The following KASH5 variants were observed in gnomAD, a reference collection of about 807,000 sequenced individuals.
The protein encoded by KASH5 is protein KASH5.
In KASH5, 72 loss-of-function variants were observed where a neutral mutation model predicts 84.2. The observed-to-expected ratio is 0.85, with a 90% CI of 0.71 to 1.04. The LOEUF (loss-of-function observed/expected upper bound fraction) is 1.04. Ranked by LOEUF, KASH5 falls within the 50% of genes least tolerant of loss-of-function variation. KASH5 has a pLI of 0.00. For synonymous variants in KASH5, 260 were observed against 279.1 expected, an observed-to-expected ratio of 0.93 and a Z score of 0.68; for missense variants, 650 against 701.0, an observed-to-expected ratio of 0.93 and a Z score of 0.82.
chr19:49,413,150 C>G, intron 16 of KASH5, 124 bp downstream of exon 16: 2 of 966,068 alleles, frequency 2.1e-6, no homozygotes, highest in South Asian at 1.5e-5. Context: ...TCATGTCTTC[C>G]GGGAGCAGAA....
chr19:49,391,186 T>G (rs1465876536), intron 2 of KASH5, among the ~76,000 whole-genome samples: 1 of 152,128 alleles, frequency 6.6e-6, no homozygotes, highest in East Asian at 1.9e-4. Flanking sequence ...CTTACTCCAT[T>G]CAGATCGCGG....
chr19:49,400,368 C>CTTTTTTTTTTTTTTT (rs762991520), intron 9 of KASH5, among the ~76,000 whole-genome samples: 2 of 100,954 alleles, frequency 2.0e-5, no homozygotes, highest in Non-Finnish European at 3.9e-5. Context: ...TTTTTTTTTT[C>CTTTTTTTTTTTTTTT]TTTTTTTTTT....
intron 9 of KASH5, among the ~76,000 whole-genome samples, chr19:49,400,794 A>C (rs1021185183): frequency 3.9e-5 from 6 of 152,214 alleles, no homozygotes; most frequent in African/African-American, 1.4e-4. Flanking sequence ...GAAGAGACTG[A>C]GTTCAGCTTC....
Position 49,399,012 on chromosome 19 carries a change from C to A in KASH5, c.630-13C>A, listed in dbSNP as rs1204463288. ...CCCTCTCGTATGGCTCATCTGCCCC[C>A]ACCCGCATTCAGCACCCAGCAGGCC... On this transcript the variant is annotated splice_polypyrimidine_tract_variant and intron_variant, in intron 7 of 19. Transcript: ENST00000447857. The surrounding 1 kb of genome is among the most constrained non-coding windows in gnomAD (Gnocchi z 4.4). 9 of 1,548,124 alleles carry A rather than the reference C, an allele frequency of 5.8e-6. No individual in the cohort carries two copies. Among genetic ancestry groups the A allele is most frequent in the Middle Eastern group, 1.7e-4 (1 of 5,986 alleles).
intron 9 of KASH5, among the ~76,000 whole-genome samples, chr19:49,405,456 CAAAAAAAAAAA>C (rs58604196): frequency 1.1e-5 from 1 of 90,444 alleles, no homozygotes; most frequent in Non-Finnish European, 2.3e-5. Context: ...AAACTCCTCT[CAAAAAAAAAAA>C]AAAAAAAGAA....
At chr19:49,391,193 G>A (rs1011780270) in intron 2 of KASH5, among the ~76,000 whole-genome samples, 17 of 152,134 alleles carry the variant, frequency 1.1e-4, no homozygotes, top group Admixed American at 6.5e-4. Flanking sequence ...CATTCAGATC[G>A]CGGCCCAGAT....
rs1037628654 is a variant in KASH5, at chr19:49,402,209, T to G, written c.798+2702T>G. Among the ~76,000 whole-genome samples the G allele has an allele frequency of 2.7e-5, 4 of 149,376 alleles. No individual in the cohort carries two copies. The Admixed American group carries it at 2.7e-4, about 10-fold the overall frequency. ...GTGAGCCAAGATGGTACCAGTGTAC[T>G]CCAGTCTGGGCGACAGAGCAAGACT... is the stretch of plus-strand genomic sequence containing the variant. On this transcript the variant is annotated intron_variant, in intron 9 of 19. Transcript: ENST00000447857.
In KASH5 at chr19:49,414,454, G is replaced by T. The variant is rs1290845938; in HGVS notation, c.1329-497G>T. On this transcript the variant is annotated intron_variant, in intron 16 of 19. Coordinates refer to ENST00000447857, the MANE Select transcript of KASH5 (RefSeq NM_144688.5). The surrounding 1 kb of genome is among the most constrained non-coding windows in gnomAD (Gnocchi z 4.5). ...GGCTCAACCCACTAGACAGGAAGGG[G>T]GTTTCGACACGTGCTCTGGGGTCTT... Among the ~76,000 whole-genome samples, 3 of 152,074 alleles carry T rather than the reference G, an allele frequency of 2.0e-5. No homozygotes were observed. Among genetic ancestry groups the T allele is most frequent in the African/African-American group, 7.2e-5 (3 of 41,386 alleles).
intron 16 of KASH5, among the ~76,000 whole-genome samples, chr19:49,413,870 G>A (rs1464021325): frequency 6.6e-6 from 1 of 152,108 alleles, no homozygotes; most frequent in African/African-American, 2.4e-5. Context: ...GATAGTGTAT[G>A]TCTGACTGGG....
intron 1 of KASH5, among the ~76,000 whole-genome samples, chr19:49,389,228 G>A (rs1312810429): frequency 9.2e-6 from 1 of 108,178 alleles, no homozygotes; most frequent in East Asian, 2.6e-4. Context: ...TCAGACCCCC[G>A]CAGAAATCAA....
At chr19:49,409,436 T>C (rs1974641007) in intron 14 of KASH5, among the ~76,000 whole-genome samples, 153 bp downstream of exon 14, 1 of 152,096 alleles carries the variant, frequency 6.6e-6, no homozygotes, top group African/African-American at 2.4e-5. Context: ...TCTCTCTACC[T>C]CGGATCCTAA....
At chr19:49,403,888 A>G (rs1246962124) in intron 9 of KASH5, among the ~76,000 whole-genome samples, 2 of 152,202 alleles carry the variant, frequency 1.3e-5, no homozygotes, top group Non-Finnish European at 2.9e-5. Context: ...AGCTGCCTAC[A>G]GAGCATCTAT....
At position 49,417,038 on chromosome 19, in the gene KASH5, A is replaced by T. The variant is rs1974927767; in HGVS notation, c.1398A>T (p.Gly466=). Residue 466 remains glycine, a synonymous_variant, in exon 18 of 20, where the codon GGA becomes GGT. Transcript: ENST00000447857. The surrounding 1 kb of genome is among the most constrained non-coding windows in gnomAD (Gnocchi z 5.2). ...AGGCTGATCTCCCTGTCCCTCTAGG[A>T]GCCCCTCGCCCTGGAGACATCCCAG... ...QVTADLPVPL[G]APRPGDIPEN... is the part of the protein sequence containing the mutation. The T allele has an allele frequency of 5.0e-6, 8 of 1,593,502 alleles. No individual in the cohort carries two copies. Among genetic ancestry groups the T allele is most frequent in the Non-Finnish European group, 6.8e-6 (8 of 1,170,588 alleles).
chr19:49,407,116 G>A lies in KASH5; in HGVS notation c.877-124G>A, dbSNP rs1974550859. 23 of 1,332,944 alleles carry A rather than the reference G, an allele frequency of 1.7e-5. No homozygotes were observed. In the South Asian group the frequency reaches 2.3e-4, roughly 14 times the overall value. The allele number at this position is 1,332,944 out of a possible 1,614,324, so 82.6% of individuals were successfully genotyped here. On this transcript the variant is annotated intron_variant, in intron 10 of 19. Transcript: ENST00000447857. ...CCCAGGCATCCCTAAAATCCCTGAAGTCCTGGAACATCTCAGGAGGCTGAA... is the reference window on the plus strand; with the variant it reads ...CCCAGGCATCCCTAAAATCCCTGAAATCCTGGAACATCTCAGGAGGCTGAA...
Position 49,395,306 on chromosome 19 carries a change from T to G in KASH5, c.335+14T>G. 3 of 1,608,694 alleles carry G rather than the reference T, an allele frequency of 1.9e-6. No individual in the cohort carries two copies. The highest frequency in any genetic ancestry group is 2.5e-6 in the Non-Finnish European group (3 of 1,178,300). ...TCAACTACATGGGTGAGTCCCCACA[T>G]CTTCATCCTCCTCTGGGAAGTCCTT... On this transcript the variant is annotated intron_variant, in intron 4 of 19. Transcript: ENST00000447857. This position sits in a 1 kb window ranked among gnomAD's most constrained non-coding sequence, Gnocchi z 4.4.
rs1052253225 is a variant in KASH5, at chr19:49,399,203, C to T, written c.747+61C>T. 6 of 1,408,776 alleles carry T rather than the reference C, an allele frequency of 4.3e-6. No homozygotes were observed. The highest frequency in any genetic ancestry group is 1.4e-5 in the African/African-American group (1 of 69,246). The allele number at this position is 1,408,776 out of a possible 1,614,324, so 87.3% of individuals were successfully genotyped here. A position where few individuals can be genotyped will look rare whatever the true frequency, so the allele number is the denominator to read the frequency against. On this transcript the variant is annotated intron_variant, in intron 8 of 19. Transcript: ENST00000447857. The surrounding 1 kb of genome is among the most constrained non-coding windows in gnomAD (Gnocchi z 4.4). ...TCTTCTTTGTTTCCTGGAGTCAGGG[C>T]GGCAGAGTGTGACTATGGAGTAGGA...
At position 49,416,979 on chromosome 19, in the gene KASH5, C is replaced by A. The variant is rs1398602638; in HGVS notation, c.1375-36C>A. 2 of 1,557,934 alleles carry A rather than the reference C, an allele frequency of 1.3e-6. No homozygotes were observed. The highest frequency in any genetic ancestry group is 1.2e-5 in the South Asian group (1 of 84,612). ...GACCTGAGCACCTCTCAGTCCAGAA[C>A]CCGGTGCCTCCAACGCATCTCTTCT... is the stretch of plus-strand genomic sequence containing the variant. On this transcript the variant is annotated intron_variant, in intron 17 of 19. Coordinates refer to ENST00000447857, the MANE Select transcript of KASH5 (RefSeq NM_144688.5). This position sits in a 1 kb window ranked among gnomAD's most constrained non-coding sequence, Gnocchi z 5.4.
intron 15 of KASH5, among the ~76,000 whole-genome samples, chr19:49,411,505 A>G (rs534370308): frequency 9.8e-5 from 15 of 152,298 alleles, no homozygotes; most frequent in African/African-American, 3.6e-4. Flanking sequence ...AGGCTCAGGG[A>G]GAAATCACAT....
In KASH5 at chr19:49,399,005, C is replaced by G; in HGVS notation, c.630-20C>G. 6.5e-7 allele frequency: 1 copy of G among 1,540,204 alleles called. No individual in the cohort carries two copies. The highest frequency in any genetic ancestry group is 8.8e-7 in the Non-Finnish European group (1 of 1,137,098). Reference sequence around the variant, plus strand: ...CCTTCCTCCCTCTCGTATGGCTCATCTGCCCCCACCCGCATTCAGCACCCA... The same window carrying G: ...CCTTCCTCCCTCTCGTATGGCTCATGTGCCCCCACCCGCATTCAGCACCCA... On this transcript the variant is annotated intron_variant, in intron 7 of 19. Coordinates refer to ENST00000447857, the MANE Select transcript of KASH5 (RefSeq NM_144688.5). This position sits in a 1 kb window ranked among gnomAD's most constrained non-coding sequence, Gnocchi z 4.4.
Sources: gnomAD v4.1 joint callset for allele counts (sites outside exome capture counted in the v4.1 genomes callset) on GRCh38, gnomAD v4.1.1 for gene constraint, Gnocchi (gnomAD v3.1) non-coding constraint, MANE v1.5 for transcripts, NCBI Gene and HGNC (gene_info 2026-07-23, HGNC 2026-07-21) for gene names.